Variants in PTPRK observed in about 807,000 individuals in gnomAD.
PTPRK encodes protein tyrosine phosphatase receptor type K.
In PTPRK, 75 loss-of-function variants were observed where a neutral mutation model predicts 178.0. The observed-to-expected ratio is 0.42, with a 90% confidence interval of 0.35 to 0.51. The LOEUF (loss-of-function observed/expected upper bound fraction) is 0.51. Among genes scored for constraint, PTPRK ranks in the 20% least tolerant of loss-of-function variants. The pLI is 0.02. For missense variants in PTPRK, 1,441 were observed against 1,797.8 expected, an observed-to-expected ratio of 0.80 and a Z score of 3.59; for synonymous variants, 637 against 620.6, an observed-to-expected ratio of 1.03 and a Z score of -0.39.
At chr6:128,459,259 C>T (rs1283984820) in intron 1 of PTPRK, among the ~76,000 whole-genome samples, 2 of 152,098 alleles carry the variant, frequency 1.3e-5, no homozygotes, top group African/African-American at 4.8e-5. Flanking sequence ...CTATAATGGT[C>T]AGGGCATGGC....
intron 7 of PTPRK, among the ~76,000 whole-genome samples, chr6:128,155,429 T>C (rs939893816): frequency 2.0e-5 from 3 of 151,710 alleles, no homozygotes; most frequent in Non-Finnish European, 4.4e-5. Context: ...TCTTCAGCTA[T>C]TTAGTTATCT....
In PTPRK at chr6:128,082,645, T is replaced by A; in HGVS notation, c.1576-7A>T. The A allele has an allele frequency of 6.3e-7, 1 of 1,576,146 alleles. No individual in the cohort carries two copies. The highest frequency in any genetic ancestry group is 8.7e-7 in the Non-Finnish European group (1 of 1,151,568). The stretch of plus-strand genomic sequence containing the variant: ...TTATACTGCTATAGCTGATCTGTTT[T>A]AAGAAATACATTTATTACATATCTA... On this transcript the variant is annotated splice_region_variant and splice_polypyrimidine_tract_variant and intron_variant, in intron 9 of 29. Transcript: ENST00000368226.
At chr6:128,239,979 C>A in intron 5 of PTPRK, 56 bp downstream of exon 5, 1 of 1,334,752 alleles carries the variant, frequency 7.5e-7, no homozygotes, top group South Asian at 1.2e-5. Context: ...AGTCCTGTTG[C>A]AATGTTTTTA....
intron 2 of PTPRK, among the ~76,000 whole-genome samples, chr6:128,334,720 G>T (rs957340966): frequency 4.6e-5 from 7 of 152,088 alleles, no homozygotes; most frequent in African/African-American, 1.7e-4. Context: ...TACAATAAAA[G>T]ACACTTCATG....
At chr6:128,008,370 C>T (rs2114716029) in intron 14 of PTPRK, among the ~76,000 whole-genome samples, 1 of 150,950 alleles carries the variant, frequency 6.6e-6, no homozygotes, top group South Asian at 2.1e-4. Flanking sequence ...GTAGCATTAA[C>T]CCAAATACAT....
At chr6:128,495,401 T>A (rs1244267733) in intron 1 of PTPRK, among the ~76,000 whole-genome samples, 5 of 152,098 alleles carry the variant, frequency 3.3e-5, no homozygotes, top group Non-Finnish European at 7.4e-5. Context: ...TTATGTGAAC[T>A]GTAAGGAAAA....
chr6:128,209,007 C>T (rs1807551631), intron 6 of PTPRK, among the ~76,000 whole-genome samples: 1 of 152,150 alleles, frequency 6.6e-6, no homozygotes. Flanking sequence ...TCTCCTCCTA[C>T]TGTCATTACA....
At chr6:128,474,500 G>A (rs1424167345) in intron 1 of PTPRK, among the ~76,000 whole-genome samples, 1 of 152,060 alleles carries the variant, frequency 6.6e-6, no homozygotes, top group Non-Finnish European at 1.5e-5. Context: ...AAATGGCAAG[G>A]AGTTGGCAAC....
chr6:128,199,196 C>A (rs1253908036), intron 6 of PTPRK, among the ~76,000 whole-genome samples: 1 of 152,062 alleles, frequency 6.6e-6, no homozygotes, highest in Non-Finnish European at 1.5e-5. Flanking sequence ...TTGTAAATAG[C>A]TCAAGGTGAA....
intron 2 of PTPRK, among the ~76,000 whole-genome samples, chr6:128,354,676 C>T (rs9491939): frequency 0.71 from 108,284 of 152,168 alleles, 43,823 homozygotes; most frequent in Non-Finnish European, 0.9. Context: ...AGGCAATGTG[C>T]TAAGCATTTT....
At position 128,397,050 on chromosome 6, in the gene PTPRK, T is replaced by G. The variant is rs561167522; in HGVS notation, c.223+516A>C. On this transcript the variant is annotated intron_variant, in intron 2 of 29. Coordinates refer to ENST00000368226, the MANE Select transcript of PTPRK (RefSeq NM_002844.4). ...AGATCTGGCCCTATTTCTCTATAAT[T>G]CCCACATAAAAGATCTCCATTTGAT... Among the ~76,000 whole-genome samples the G allele has an allele frequency of 1.5e-4, 23 of 152,136 alleles. No homozygotes were observed. In the East Asian group the frequency reaches 2.5e-3, roughly 17 times the overall value.
intron 1 of PTPRK, among the ~76,000 whole-genome samples, chr6:128,412,122 A>G (rs1842373201): frequency 6.6e-6 from 1 of 152,234 alleles, no homozygotes. Context: ...TTAATTTATT[A>G]GTGCTCTTTC....
At position 128,032,304 on chromosome 6, in the gene PTPRK, C is replaced by G. The variant is rs150584727; in HGVS notation, c.2195-23036G>C. On this transcript the variant is annotated intron_variant, in intron 13 of 29. Transcript: ENST00000368226. Reference sequence around the variant, plus strand: ...CTGGGCTCTATGCTGTGTTTTTCAGCCCCTTTGTGGTTTTCTTCTTTCTGG... The same window carrying G: ...CTGGGCTCTATGCTGTGTTTTTCAGGCCCTTTGTGGTTTTCTTCTTTCTGG... Among the ~76,000 whole-genome samples the G allele has an allele frequency of 3.2e-3, 488 of 152,232 alleles. 2 individuals carry two copies. Among genetic ancestry groups the G allele is most frequent in the African/African-American group, 0.011 (465 of 41,538 alleles).
At chr6:128,095,430 G>T (rs1198472699) in intron 7 of PTPRK, among the ~76,000 whole-genome samples, 1 of 152,012 alleles carries the variant, frequency 6.6e-6, no homozygotes, top group Admixed American at 6.6e-5. Context: ...TTGTTCTGTT[G>T]TTTTGCTTTA....
At chr6:128,060,063 CAG>C (rs981697436) in intron 13 of PTPRK, among the ~76,000 whole-genome samples, 9 of 151,894 alleles carry the variant, frequency 5.9e-5, no homozygotes, top group Middle Eastern at 3.2e-3. Context: ...GCAATGAGAG[CAG>C]AGAGAGAGGT....
chr6:128,195,003 ATGTG>A (rs745479231), intron 6 of PTPRK, among the ~76,000 whole-genome samples: 12 of 152,120 alleles, frequency 7.9e-5, no homozygotes, highest in African/African-American at 2.4e-4. Context: ...CTATTTATAG[ATGTG>A]TGTGTGTAAT....
At chr6:127,978,150 G>C (rs1356820153) in intron 25 of PTPRK, among the ~76,000 whole-genome samples, 1 of 152,134 alleles carries the variant, frequency 6.6e-6, no homozygotes, top group Non-Finnish European at 1.5e-5. Flanking sequence ...ACTTCTAAAT[G>C]ACCTCAAAAC....
At chr6:128,159,954 C>T (rs1051623808) in intron 7 of PTPRK, among the ~76,000 whole-genome samples, 3 of 151,650 alleles carry the variant, frequency 2.0e-5, no homozygotes, top group Non-Finnish European at 4.4e-5. Flanking sequence ...TGTTTACTTA[C>T]ATCCTGAGGT....
chr6:128,428,442 T>G (rs1453204957), intron 1 of PTPRK, among the ~76,000 whole-genome samples: 1 of 152,180 alleles, frequency 6.6e-6, no homozygotes, highest in African/African-American at 2.4e-5. Flanking sequence ...CTAAGCATAC[T>G]GAGATCAGTA....
Sources: gnomAD v4.1 joint callset for allele counts (sites outside exome capture counted in the v4.1 genomes callset) on GRCh38, gnomAD v4.1.1 for gene constraint, MANE v1.5 for transcripts, NCBI Gene and HGNC (gene_info 2026-07-23, HGNC 2026-07-21) for gene names.